NFAT5: variants seen among roughly 807,000 people sequenced by gnomAD.
NFAT5 encodes nuclear factor of activated T cells 5, also known as nuclear factor of activated T-cells 5.
NFAT5 carries 31 observed loss-of-function variants against 166.5 expected under a neutral mutation model. The ratio of observed to expected loss-of-function variants is 0.19; its 90% CI spans 0.14 to 0.25. NFAT5 has a LOEUF of 0.25. Ranked by LOEUF, NFAT5 falls within the 10% of genes least tolerant of loss-of-function variation. NFAT5 has a pLI of 1.00. For synonymous variants in NFAT5, 612 were observed against 639.7 expected, an observed-to-expected ratio of 0.96 and a Z score of 0.65; for missense variants, 1,449 against 1,821.8, an observed-to-expected ratio of 0.80 and a Z score of 3.72.
At chr16:69,601,102 T>TAC (rs1267138436) in intron 2 of NFAT5, among the ~76,000 whole-genome samples, 1 of 152,008 alleles carries the variant, frequency 6.6e-6, no homozygotes, top group Admixed American at 6.6e-5. Context: ...CACACACACA[T>TAC]ACACACACAC....
intron 8 of NFAT5, 51 bp downstream of exon 8, chr16:69,670,162 T>C (rs370304034): frequency 6.3e-7 from 1 of 1,593,768 alleles, no homozygotes; most frequent in Non-Finnish European, 8.6e-7. Flanking sequence ...CACTTTGTTA[T>C]ATGGATATAG....
At chr16:69,577,656 A>G (rs1367560890) in intron 2 of NFAT5, among the ~76,000 whole-genome samples, 4 of 152,260 alleles carry the variant, frequency 2.6e-5, no homozygotes, top group Middle Eastern at 3.4e-3. Flanking sequence ...ATTAACTACA[A>G]AGGACCAAAA....
intron 3 of NFAT5, among the ~76,000 whole-genome samples, chr16:69,629,814 G>A (rs963335583): frequency 1.4e-5 from 2 of 144,180 alleles, no homozygotes; most frequent in African/African-American, 5.1e-5. Flanking sequence ...CTGTCACCCA[G>A]GCTGAATGCA....
chr16:69,693,595 T>C lies in NFAT5; in HGVS notation c.3770T>C (p.Val1257Ala). The C allele has an allele frequency of 6.2e-7, 1 of 1,614,170 alleles. No homozygotes were observed. The highest frequency in any genetic ancestry group is 8.5e-7 in the Non-Finnish European group (1 of 1,180,040). Residue 1257 changes from valine (V) to alanine (A), a missense_variant, in exon 13 of 15, where the codon GTT becomes GCT. Transcript: ENST00000349945. ...ATGTTCCAGTCACAGCACTCAATAG[T>C]TGCCATGCAGAGTAACTCTCCATCC... Reference protein sequence around the residue: ...GTMFQSQHSIVAMQSNSPSQE... With the variant: ...GTMFQSQHSIAAMQSNSPSQE...
At chr16:69,609,172 T>C (rs1231503942) in intron 2 of NFAT5, among the ~76,000 whole-genome samples, 2 of 152,054 alleles carry the variant, frequency 1.3e-5, no homozygotes, top group African/African-American at 4.8e-5. Context: ...GTTCAGGTCT[T>C]TGGTTGCTGT....
Position 69,692,814 on chromosome 16 carries a change from A to C in NFAT5, c.2989A>C (p.Thr997Pro), listed in dbSNP as rs541377224. 1 of 1,614,238 alleles carries C rather than the reference A, an allele frequency of 6.2e-7. No homozygotes were observed. Among genetic ancestry groups the C allele is most frequent in the South Asian group, 1.1e-5 (1 of 91,092 alleles). ...TTTQQVATPG[T>P]TMFQTSSSGD... ...CACACAGCAGGTTGCAACCCCTGGCACTACCATGTTTCAGACATCAAGTTC... is the reference window on the plus strand; with the variant it reads ...CACACAGCAGGTTGCAACCCCTGGCCCTACCATGTTTCAGACATCAAGTTC... Residue 997 changes from threonine to proline, a missense_variant, in exon 13 of 15, where the codon ACT (threonine) becomes CCT (proline). Physicochemically the swap from Thr to Pro is conservative, Grantham distance 38. Coordinates refer to ENST00000349945, the MANE Select transcript of NFAT5 (RefSeq NM_138713.4).
chr16:69,621,640 C>T (rs893653598), intron 2 of NFAT5, among the ~76,000 whole-genome samples: 4 of 151,966 alleles, frequency 2.6e-5, no homozygotes, highest in East Asian at 1.9e-4. Flanking sequence ...ATGAAGTAGC[C>T]GGCACTTATT....
At chr16:69,661,706 G>A (rs756840802) in intron 7 of NFAT5, among the ~76,000 whole-genome samples, 40 of 151,916 alleles carry the variant, frequency 2.6e-4, no homozygotes, top group Admixed American at 1.8e-3. Context: ...GTGTAGGTTC[G>A]AGTCACCTGT....
chr16:69,684,876 T>A lies in NFAT5; in HGVS notation c.1691-11T>A, dbSNP rs971654107. On this transcript the variant is annotated splice_polypyrimidine_tract_variant and intron_variant, in intron 10 of 14. Coordinates refer to ENST00000349945, the MANE Select transcript of NFAT5 (RefSeq NM_138713.4). ...AAATGTAGATAAATACATTAATCTT[T>A]TTTTTAATAGCAGCAGCTGGTGCTT... The A allele has an allele frequency of 6.3e-7, 1 of 1,583,650 alleles. No individual in the cohort carries two copies. The highest frequency in any genetic ancestry group is 1.4e-5 in the African/African-American group (1 of 73,716).
In NFAT5 at chr16:69,699,389, C is replaced by G. The variant is rs1041494884; in HGVS notation, c.*3038C>G. On this transcript the variant is annotated 3_prime_UTR_variant, in exon 15 of 15. Transcript: ENST00000349945. ...GTTTGATCGGATGGAGACAGAAAAC[C>G]CGATTTTTATTCTCATAAATTTTGT... 6.6e-6 allele frequency: 1 copy of G among 152,478 alleles called. No homozygotes were observed. Among genetic ancestry groups the G allele is most frequent in the Non-Finnish European group, 1.5e-5 (1 of 68,016 alleles). 9.4% of individuals were successfully genotyped at this position (152,478 alleles called of 1,614,324 possible).
Position 69,695,138 on chromosome 16 carries a change from T to A in NFAT5, c.4417T>A (p.Cys1473Ser), listed in dbSNP as rs1411599467. 3 of 1,612,800 alleles carry A rather than the reference T, an allele frequency of 1.9e-6. No individual in the cohort carries two copies. The change falls in exon 14 of 15, where the codon TGT becomes AGT. Residue 1473 changes from cysteine to serine, a missense_variant and splice_region_variant. Transcript: ENST00000349945. ...GMFLFGIQNN[C>S]SQLLTSGPAT... is the part of the protein sequence containing the mutation. ...TTCTGTTTTCAATGTCTCTGCAGAC[T>A]GTAGTCAGCTTTTAACCTCTGGACC...
At chr16:69,652,223 G>A (rs1395790658) in intron 4 of NFAT5, among the ~76,000 whole-genome samples, 2 of 152,060 alleles carry the variant, frequency 1.3e-5, no homozygotes, top group Middle Eastern at 3.4e-3. Flanking sequence ...AGACTGAGGC[G>A]GGAGGATCAC....
chr16:69,678,919 T>C (rs1450985902), intron 10 of NFAT5, among the ~76,000 whole-genome samples: 1 of 152,168 alleles, frequency 6.6e-6, no homozygotes, highest in Non-Finnish European at 1.5e-5. Flanking sequence ...ACTTAATTTT[T>C]CTATTCACTA....
chr16:69,568,269 G>A (rs985617022), intron 1 of NFAT5, among the ~76,000 whole-genome samples: 1 of 151,974 alleles, frequency 6.6e-6, no homozygotes, highest in Non-Finnish European at 1.5e-5. Flanking sequence ...GCGGTGAGCC[G>A]AGATCGCACC....
intron 3 of NFAT5, among the ~76,000 whole-genome samples, chr16:69,642,741 C>T (rs1032345657): frequency 6.0e-5 from 9 of 151,174 alleles, no homozygotes; most frequent in Admixed American, 4.0e-4. Context: ...CGTTTGAACC[C>T]GGGAGGTGGA....
chr16:69,599,582 A>G (rs2033013746), intron 2 of NFAT5, among the ~76,000 whole-genome samples: 1 of 152,184 alleles, frequency 6.6e-6, no homozygotes, highest in East Asian at 1.9e-4. Flanking sequence ...AAAAGAATAA[A>G]ATAATGTTGG....
At chr16:69,610,021 CAGAT>C (rs146066266) in intron 2 of NFAT5, among the ~76,000 whole-genome samples, 13,824 of 150,764 alleles carry the variant, frequency 0.092, 851 homozygotes, top group East Asian at 0.33. Flanking sequence ...GAGAGAGAGA[CAGAT>C]AGAGCGAGTG....
In NFAT5 at chr16:69,682,292, A is replaced by T. The variant is rs1041984629; in HGVS notation, c.1691-2595A>T. ...ATAAGAAATGGGAATGTAATATTTA[A>T]CATTTTTTTTTTTTTTCTAAAAAAG... On this transcript the variant is annotated intron_variant, in intron 10 of 14. Transcript: ENST00000349945. Among the ~76,000 whole-genome samples, 14 of 121,096 alleles carry T rather than the reference A, an allele frequency of 1.2e-4. No homozygotes were observed. In the Admixed American group the frequency reaches 1.2e-3, roughly 10 times the overall value. 79.4% of individuals were successfully genotyped at this position (121,096 alleles called of 152,430 possible).
At chr16:69,677,990 T>G (rs1337762901) in intron 10 of NFAT5, among the ~76,000 whole-genome samples, 1 of 150,962 alleles carries the variant, frequency 6.6e-6, no homozygotes, top group Non-Finnish European at 1.5e-5. Context: ...TTGTCTCTAC[T>G]AAAAATACAA....
Sources: gnomAD v4.1 joint callset for allele counts (sites outside exome capture counted in the v4.1 genomes callset) on GRCh38, gnomAD v4.1.1 for gene constraint, MANE v1.5 for transcripts, NCBI Gene and HGNC (gene_info 2026-07-23, HGNC 2026-07-21) for gene names.